Variants in ULK4 observed in about 807,000 individuals in gnomAD.
ULK4 encodes the protein unc-51 like kinase 4.
A neutral mutation model predicts 160.6 loss-of-function variants in ULK4; 133 were observed. The ratio of observed to expected loss-of-function variants is 0.83; its 90% CI spans 0.72 to 0.96. The LOEUF is 0.96. Ranked by LOEUF, ULK4 falls within the 40% of genes least tolerant of loss-of-function variation. The probability of loss-of-function intolerance (pLI) is 0.00; values close to 1 mark genes in which losing one functional copy is unlikely to be tolerated. For synonymous variants in ULK4, 534 were observed against 539.8 expected, an observed-to-expected ratio of 0.99 and a Z score of 0.15; for missense variants, 1,580 against 1,499.5, an observed-to-expected ratio of 1.05 and a Z score of -0.89.
intron 22 of ULK4, among the ~76,000 whole-genome samples, chr3:41,748,935 G>A (rs1418704430): frequency 6.6e-6 from 1 of 152,162 alleles, no homozygotes; most frequent in African/African-American, 2.4e-5. Flanking sequence ...GATGGTGGTG[G>A]TTGGCAGAAT....
At chr3:41,613,094 T>C (rs995817790) in intron 31 of ULK4, among the ~76,000 whole-genome samples, 2 of 152,234 alleles carry the variant, frequency 1.3e-5, no homozygotes, top group South Asian at 2.1e-4. Flanking sequence ...CTTCTCATTA[T>C]GCCTTGTTCT....
chr3:41,908,947 G>T (rs1698673722), intron 11 of ULK4, among the ~76,000 whole-genome samples: 1 of 151,958 alleles, frequency 6.6e-6, no homozygotes, highest in African/African-American at 2.4e-5. Context: ...ACAAAAATTA[G>T]CCAGGCATGG....
At chr3:41,665,703 A>C (rs148800697) in intron 29 of ULK4, among the ~76,000 whole-genome samples, 1 of 152,312 alleles carries the variant, frequency 6.6e-6, no homozygotes, top group African/African-American at 2.4e-5. Context: ...TCAAGCAAAA[A>C]TCTTTAGGGA....
At chr3:41,833,160 A>T (rs2041646820) in intron 18 of ULK4, among the ~76,000 whole-genome samples, 1 of 152,174 alleles carries the variant, frequency 6.6e-6, no homozygotes. Flanking sequence ...CTTCCTATCC[A>T]TGAGGATGCA....
At chr3:41,789,621 A>G (rs770645841) in intron 21 of ULK4, 40 bp downstream of exon 21, 1 of 1,492,376 alleles carries the variant, frequency 6.7e-7, no homozygotes, top group Admixed American at 2.4e-5. Context: ...AGAAGAAAAC[A>G]ATTTTTAATG....
rs772926580 is a variant in ULK4, at chr3:41,911,306, A to G, written c.1085+11T>C. 17 of 1,611,428 alleles carry G rather than the reference A, an allele frequency of 1.1e-5. No individual in the cohort carries two copies. The highest frequency in any genetic ancestry group is 1.7e-4 in the Middle Eastern group (1 of 6,036). On this transcript the variant is annotated intron_variant, in intron 11 of 36. Transcript: ENST00000301831. ...GTCTTGCACTGATCCCTCTTTTTTC[A>G]TTTTACCTACCTGAGAAGAAACATG...
chr3:41,500,197 T>C (rs1178604193), intron 32 of ULK4, among the ~76,000 whole-genome samples: 1 of 151,560 alleles, frequency 6.6e-6, no homozygotes, highest in Non-Finnish European at 1.5e-5. Context: ...GCTTTTTTAT[T>C]ATTTTCTTCC....
intron 18 of ULK4, among the ~76,000 whole-genome samples, chr3:41,821,552 C>T (rs911246085): frequency 1.3e-5 from 2 of 152,232 alleles, no homozygotes; most frequent in African/African-American, 4.8e-5. Context: ...TGTCCCTCCA[C>T]TTGGGCTCAG....
At chr3:41,803,924 T>G (rs932244850) in intron 19 of ULK4, among the ~76,000 whole-genome samples, 2 of 152,248 alleles carry the variant, frequency 1.3e-5, no homozygotes, top group Non-Finnish European at 2.9e-5. Context: ...TTTGCTGTTG[T>G]GAATAGTGCC....
Position 41,574,168 on chromosome 3 carries a change from A to C in ULK4, c.3121-8038T>G, listed in dbSNP as rs1007237208. Among the ~76,000 whole-genome samples, 5 of 152,198 alleles carry C rather than the reference A, an allele frequency of 3.3e-5. No homozygotes were observed. In the East Asian group the frequency reaches 9.6e-4, roughly 29 times the overall value. ...CACTGCAGCCTGGGCAACAAGAGCG[A>C]AACTCCGTCTCAAAAAAACAAACAA... On this transcript the variant is annotated intron_variant, in intron 31 of 36. Transcript: ENST00000301831.
At chr3:41,905,026 C>G (rs1698503559) in intron 12 of ULK4, among the ~76,000 whole-genome samples, 1 of 152,106 alleles carries the variant, frequency 6.6e-6, no homozygotes, top group African/African-American at 2.4e-5. Context: ...TGCAAGTGAC[C>G]CAGAACAGCC....
At chr3:41,446,154 T>C (rs907407992) in intron 34 of ULK4, among the ~76,000 whole-genome samples, 3 of 151,964 alleles carry the variant, frequency 2.0e-5, no homozygotes, top group Non-Finnish European at 2.9e-5. Flanking sequence ...ATCAGAGAAA[T>C]GCAAATCAAA....
chr3:41,811,876 T>C (rs141661972), intron 19 of ULK4, among the ~76,000 whole-genome samples: 1,898 of 152,296 alleles, frequency 0.012, 36 homozygotes, highest in African/African-American at 0.041. Flanking sequence ...GAGACTGTAA[T>C]GAATGTATTA....
chr3:41,472,600 A>G (rs920010074), intron 32 of ULK4, among the ~76,000 whole-genome samples: 2 of 151,980 alleles, frequency 1.3e-5, no homozygotes, highest in African/African-American at 4.8e-5. Flanking sequence ...AAATCTGAAC[A>G]GATCAACAAG....
In ULK4 at chr3:41,756,260, A is replaced by G. The variant is rs571793158; in HGVS notation, c.2194-1772T>C. On this transcript the variant is annotated intron_variant, in intron 21 of 36. Transcript: ENST00000301831. ...GGCTGTATTATTTCTATGCACCATT[A>G]TATCTTTCCTGAATTACTACAATCG... is the stretch of plus-strand genomic sequence containing the variant. Among the ~76,000 whole-genome samples, 11 of 152,282 alleles carry G rather than the reference A, an allele frequency of 7.2e-5. 1 individual carries two copies. The South Asian group carries it at 2.3e-3, about 32-fold the overall frequency.
intron 31 of ULK4, among the ~76,000 whole-genome samples, chr3:41,614,429 T>A (rs761145917): frequency 6.6e-6 from 1 of 152,240 alleles, no homozygotes; most frequent in African/African-American, 2.4e-5. Flanking sequence ...GCAAATAATG[T>A]GTATCTGACT....
rs2082314319 is a variant in ULK4, at chr3:41,407,352, TTC to T, written c.3493-9090_3493-9089del. Among the ~76,000 whole-genome samples, 10 of 152,260 alleles carry T rather than the reference TTC, an allele frequency of 6.6e-5. No individual in the cohort carries two copies. The South Asian group carries it at 1.9e-3, about 28-fold the overall frequency. On this transcript the variant is annotated intron_variant, in intron 34 of 36. Coordinates refer to ENST00000301831, the MANE Select transcript of ULK4 (RefSeq NM_017886.4). ...GAAAAAGGGAACACTTCTGAACTCA[TTC>T]TCTGAGGTCAGTACTACCCTGATAC...
chr3:41,514,376 G>A (rs1415450955), intron 32 of ULK4, among the ~76,000 whole-genome samples: 2 of 152,146 alleles, frequency 1.3e-5, no homozygotes, highest in East Asian at 1.9e-4. Flanking sequence ...GGAGGGGGTC[G>A]TGCGAAGCAA....
At chr3:41,402,438 T>TC (rs1302310992) in intron 34 of ULK4, among the ~76,000 whole-genome samples, 2 of 152,142 alleles carry the variant, frequency 1.3e-5, no homozygotes, top group Non-Finnish European at 1.5e-5. Context: ...TTGTACCCAA[T>TC]CTTAGGGAGA....
Sources: allele counts gnomAD v4.1 joint callset (sites outside exome capture counted in the v4.1 genomes callset), GRCh38; gene constraint gnomAD v4.1.1; transcripts MANE v1.5; gene names NCBI Gene and HGNC (gene_info 2026-07-23, HGNC 2026-07-21).